The following IL1RAPL1 variants were observed in gnomAD, a reference collection of about 807,000 sequenced individuals.
IL1RAPL1 encodes interleukin-1 receptor accessory protein-like 1.
A neutral mutation model predicts 48.4 loss-of-function variants in IL1RAPL1; 3 were observed. That is an observed-to-expected ratio of 0.06 (90% CI 0.03 to 0.16). The LOEUF (loss-of-function observed/expected upper bound fraction) is 0.16. Among genes scored for constraint, IL1RAPL1 ranks in the 10% least tolerant of loss-of-function variants. The pLI is 1.00. For missense variants in IL1RAPL1, 349 were observed against 530.6 expected, an observed-to-expected ratio of 0.66 and a Z score of 3.36; for synonymous variants, 185 against 187.7, an observed-to-expected ratio of 0.99 and a Z score of 0.12.
intron 2 of IL1RAPL1, among the ~76,000 whole-genome samples, chrX:28,897,043 T>C (rs1196959641): frequency 9.0e-6 from 1 of 110,646 alleles, no homozygotes; most frequent in Non-Finnish European, 1.9e-5. Context: ...GAAGAGGTTT[T>C]AAGTTCTTGA....
intron 5 of IL1RAPL1, among the ~76,000 whole-genome samples, chrX:29,435,086 A>G (rs113699650): frequency 9.0e-6 from 1 of 111,288 alleles, no homozygotes; most frequent in Non-Finnish European, 1.9e-5. Flanking sequence ...AGCTTATGCA[A>G]TAGCGTATTT....
chrX:29,421,502 C>T (rs1263072441), intron 5 of IL1RAPL1, among the ~76,000 whole-genome samples: 1 of 109,198 alleles, frequency 9.2e-6, no homozygotes, highest in Non-Finnish European at 1.9e-5. Flanking sequence ...ACTTAGAAGA[C>T]TGATGCTAGC....
At chrX:29,899,604 C>T (rs1334474775) in intron 6 of IL1RAPL1, among the ~76,000 whole-genome samples, 5 of 106,277 alleles carry the variant, frequency 4.7e-5, no homozygotes, top group African/African-American at 6.9e-5. Context: ...AGTGCAGTGG[C>T]GCGATCTCGG....
chrX:28,982,404 T>C (rs1427426786), intron 2 of IL1RAPL1, among the ~76,000 whole-genome samples: 1 of 112,021 alleles, frequency 8.9e-6, no homozygotes, highest in Non-Finnish European at 1.9e-5. Flanking sequence ...AGTACCTTCC[T>C]TGTGGAGTTC....
intron 1 of IL1RAPL1, among the ~76,000 whole-genome samples, chrX:28,724,152 T>G (rs1479024763): frequency 1.8e-5 from 2 of 111,556 alleles, no homozygotes; most frequent in Admixed American, 1.9e-4. Flanking sequence ...GTATCCTTAT[T>G]AACTTTCTGT....
chrX:29,045,643 AT>A (rs1226617122), intron 2 of IL1RAPL1, among the ~76,000 whole-genome samples: 2 of 110,969 alleles, frequency 1.8e-5, no homozygotes, highest in Admixed American at 9.6e-5. Flanking sequence ...TTTTAAAATT[AT>A]TTTTTGTAAA....
chrX:29,258,598 G>A (rs1569271530), intron 2 of IL1RAPL1, among the ~76,000 whole-genome samples: 1 of 103,582 alleles, frequency 9.7e-6, no homozygotes, highest in Non-Finnish European at 2.0e-5. Context: ...TTATTATTTA[G>A]TTTTTTTTTT....
chrX:29,648,016 A>G (rs1925389728), intron 5 of IL1RAPL1, among the ~76,000 whole-genome samples: 1 of 112,263 alleles, frequency 8.9e-6, no homozygotes, highest in Admixed American at 9.5e-5. Flanking sequence ...TAAATCAGAT[A>G]AAATAGACTT....
At chrX:28,990,160 G>A (rs958810902) in intron 2 of IL1RAPL1, among the ~76,000 whole-genome samples, 1 of 111,428 alleles carries the variant, frequency 9.0e-6, no homozygotes, top group South Asian at 3.8e-4. Context: ...CCCCCAGGTC[G>A]GCACCCCTAC....
chrX:29,230,522 A>AC (rs747601421), intron 2 of IL1RAPL1, among the ~76,000 whole-genome samples: 2 of 90,822 alleles, frequency 2.2e-5, no homozygotes, highest in Admixed American at 1.3e-4. Flanking sequence ...AAAAAAAAAA[A>AC]AAAAAAAAAA....
intron 2 of IL1RAPL1, among the ~76,000 whole-genome samples, chrX:29,262,896 TC>T (rs1193415909): frequency 9.0e-6 from 1 of 111,593 alleles, no homozygotes; most frequent in Non-Finnish European, 1.9e-5. Context: ...CTTTTTTTTT[TC>T]AAAATAACCA....
chrX:28,753,729 G>A (rs1601888076), intron 1 of IL1RAPL1, among the ~76,000 whole-genome samples: 1 of 112,061 alleles, frequency 8.9e-6, no homozygotes, highest in South Asian at 3.7e-4. Flanking sequence ...AATCTTATTA[G>A]CAACTTGATC....
In IL1RAPL1 at chrX:29,029,080, A is replaced by C. The variant is rs112307356; in HGVS notation, c.82+239655A>C. On this transcript the variant is annotated intron_variant, in intron 2 of 10. Transcript: ENST00000378993. ...TTCTTCACAAGGTGGCAAGAAGGAG[A>C]AGTGCCAGCAGGGGAAATGCTAGAT... Among the ~76,000 whole-genome samples, 586 of 111,411 alleles carry C rather than the reference A, an allele frequency of 5.3e-3. 4 individuals carry two copies. The highest frequency in any genetic ancestry group is 0.019 in the African/African-American group (568 of 30,620).
At chrX:29,691,154 C>T (rs1324071391) in intron 6 of IL1RAPL1, among the ~76,000 whole-genome samples, 1 of 111,012 alleles carries the variant, frequency 9.0e-6, no homozygotes, top group Non-Finnish European at 1.9e-5. Context: ...TTGTTTTCTT[C>T]TTCCTTTATT....
At position 29,101,288 on chromosome X, in the gene IL1RAPL1, C is replaced by T. The variant is rs768712344; in HGVS notation, c.83-181650C>T. Among the ~76,000 whole-genome samples the T allele has an allele frequency of 3.6e-5, 4 of 112,059 alleles. No homozygotes were observed. In the Admixed American group the frequency reaches 3.8e-4, roughly 11 times the overall value. Reference sequence around the variant, plus strand: ...CAAATTCCTAGACACATACAACTTACCAAGATTAAGTCATGAAGAAATTCA... The same window carrying T: ...CAAATTCCTAGACACATACAACTTATCAAGATTAAGTCATGAAGAAATTCA... On this transcript the variant is annotated intron_variant, in intron 2 of 10. Coordinates refer to ENST00000378993, the MANE Select transcript of IL1RAPL1 (RefSeq NM_014271.4).
intron 1 of IL1RAPL1, among the ~76,000 whole-genome samples, chrX:28,638,446 C>T (rs1232741755): frequency 9.0e-6 from 1 of 110,660 alleles, no homozygotes; most frequent in Non-Finnish European, 1.9e-5. Context: ...TGTCTTATCT[C>T]GATCTTCCCA....
chrX:29,568,683 G>A (rs1922491840), intron 5 of IL1RAPL1, among the ~76,000 whole-genome samples: 1 of 111,139 alleles, frequency 9.0e-6, no homozygotes, highest in Non-Finnish European at 1.9e-5. Flanking sequence ...ACATTATTAA[G>A]AAAAATAGCA....
At chrX:29,872,155 T>C (rs1193790746) in intron 6 of IL1RAPL1, among the ~76,000 whole-genome samples, 1 of 112,249 alleles carries the variant, frequency 8.9e-6, no homozygotes, top group Non-Finnish European at 1.9e-5. Context: ...GTTGGGTCTA[T>C]CAGAGAATTA....
At chrX:28,760,189 TAAAC>T (rs2147250409) in intron 1 of IL1RAPL1, among the ~76,000 whole-genome samples, 1 of 111,608 alleles carries the variant, frequency 9.0e-6, no homozygotes, top group Admixed American at 9.6e-5. Context: ...AGTGAAAAGG[TAAAC>T]AAAAATGCTT....
Sources: allele counts gnomAD v4.1 joint callset (sites outside exome capture counted in the v4.1 genomes callset), GRCh38; gene constraint gnomAD v4.1.1; transcripts MANE v1.5; gene names NCBI Gene and HGNC (gene_info 2026-07-23, HGNC 2026-07-21).